The following DRC11 variants were observed in gnomAD, a reference collection of about 807,000 sequenced individuals.
DRC11 encodes the protein dynein regulatory complex subunit 11.
the DRC11 span, among the ~76,000 whole-genome samples, chr2:236,482,705 T>C: frequency 5.9e-5 from 9 of 152,222 alleles, no homozygotes; most frequent in Admixed American, 5.9e-4. This position sits in a 1 kb window ranked among gnomAD's most constrained non-coding sequence, Gnocchi z 4.5. Flanking sequence ...AGCACTTTTT[T>C]TTCTTAATGG....
the DRC11 span, among the ~76,000 whole-genome samples, chr2:236,386,946 G>A: frequency 6.8e-6 from 1 of 146,450 alleles, no homozygotes; most frequent in African/African-American, 2.5e-5. Flanking sequence ...GGAGCAGGTT[G>A]TTCAGTTTCC....
the DRC11 span, among the ~76,000 whole-genome samples, chr2:236,494,809 C>T: frequency 6.6e-6 from 1 of 152,136 alleles, no homozygotes; most frequent in African/African-American, 2.4e-5. This position sits in a 1 kb window ranked among gnomAD's most constrained non-coding sequence, Gnocchi z 4.2. Context: ...GTGACAATGT[C>T]TTTTGAACAC....
At chr2:236,455,978 C>T in the DRC11 span, among the ~76,000 whole-genome samples, 1 of 152,102 alleles carries the variant, frequency 6.6e-6, no homozygotes, top group Non-Finnish European at 1.5e-5. The surrounding 1 kb of genome is among the most constrained non-coding windows in gnomAD (Gnocchi z 5.7). Flanking sequence ...CGCGCCTCCA[C>T]CACCAGCCAG....
chr2:236,375,652 C>T, the DRC11 span, among the ~76,000 whole-genome samples: 1 of 152,184 alleles, frequency 6.6e-6, no homozygotes, highest in Non-Finnish European at 1.5e-5. The surrounding 1 kb of genome is among the most constrained non-coding windows in gnomAD (Gnocchi z 4.2). Context: ...AAAATAACCA[C>T]CCTTTGATCA....
the DRC11 span, among the ~76,000 whole-genome samples, chr2:236,465,192 A>T: frequency 1.5e-3 from 231 of 152,198 alleles, no homozygotes; most frequent in African/African-American, 5.3e-3. The surrounding 1 kb of genome is among the most constrained non-coding windows in gnomAD (Gnocchi z 6.2). Flanking sequence ...GGCTGGCTAG[A>T]TGCCAGAAGG....
At chr2:236,465,224 T>C in the DRC11 span, among the ~76,000 whole-genome samples, 2 of 152,132 alleles carry the variant, frequency 1.3e-5, no homozygotes, top group Admixed American at 1.3e-4. This position sits in a 1 kb window ranked among gnomAD's most constrained non-coding sequence, Gnocchi z 6.2. Context: ...CTGGGTCCCC[T>C]GACTTTTGGA....
At chr2:236,443,367 A>G in the DRC11 span, among the ~76,000 whole-genome samples, 5 of 151,710 alleles carry the variant, frequency 3.3e-5, no homozygotes, top group African/African-American at 1.2e-4. The surrounding 1 kb of genome is among the most constrained non-coding windows in gnomAD (Gnocchi z 4.4). Flanking sequence ...GGCCCTCCCC[A>G]TGTGTCCACG....
the DRC11 span, among the ~76,000 whole-genome samples, chr2:236,440,302 A>G: frequency 6.6e-6 from 1 of 152,226 alleles, no homozygotes; most frequent in South Asian, 2.1e-4. Flanking sequence ...AGGAAGGGTT[A>G]GTCACCCAGG....
At chr2:236,321,645 T>C in the DRC11 span, among the ~76,000 whole-genome samples, 1 of 152,152 alleles carries the variant, frequency 6.6e-6, no homozygotes, top group Non-Finnish European at 1.5e-5. Flanking sequence ...TATCTTTGGC[T>C]CAGAGGAGGG....
At chr2:236,376,145 C>A in the DRC11 span, among the ~76,000 whole-genome samples, 1 of 152,304 alleles carries the variant, frequency 6.6e-6, no homozygotes, top group African/African-American at 2.4e-5. The surrounding 1 kb of genome is among the most constrained non-coding windows in gnomAD (Gnocchi z 5.7). Flanking sequence ...AGGGAGACAC[C>A]ATCATTTTCC....
chr2:236,491,196 A>ATATATATACACACAG, the DRC11 span, among the ~76,000 whole-genome samples: 2 of 63,208 alleles, frequency 3.2e-5, no homozygotes, highest in Admixed American at 1.6e-4. Context: ...CAGTATATAT[A>ATATATATACACACAG]TATATATATA....
At chr2:236,350,201 C>T in the DRC11 span, among the ~76,000 whole-genome samples, 1 of 152,196 alleles carries the variant, frequency 6.6e-6, no homozygotes, top group African/African-American at 2.4e-5. This position sits in a 1 kb window ranked among gnomAD's most constrained non-coding sequence, Gnocchi z 5.2. Context: ...ACGGCGGCTC[C>T]ATTCTGTTGA....
the DRC11 span, among the ~76,000 whole-genome samples, chr2:236,319,634 C>T: frequency 6.6e-6 from 1 of 152,144 alleles, no homozygotes; most frequent in Non-Finnish European, 1.5e-5. This position sits in a 1 kb window ranked among gnomAD's most constrained non-coding sequence, Gnocchi z 6.7. Flanking sequence ...ATCGACTCCC[C>T]AAAGCTCAAC....
At chr2:236,464,067 C>T in the DRC11 span, among the ~76,000 whole-genome samples, 2 of 152,146 alleles carry the variant, frequency 1.3e-5, no homozygotes, top group Non-Finnish European at 2.9e-5. Flanking sequence ...TGACTCTGAG[C>T]CAGCAAGGGA....
the DRC11 span, among the ~76,000 whole-genome samples, chr2:236,440,389 C>T: frequency 5.3e-5 from 8 of 152,138 alleles, no homozygotes. Context: ...GACAATGCCT[C>T]TAATGCCTCA....
At chr2:236,378,674 C>CAA in the DRC11 span, among the ~76,000 whole-genome samples, 59 of 59,136 alleles carry the variant, frequency 1.0e-3, no homozygotes, top group East Asian at 6.6e-3. Flanking sequence ...GACTCCGTCT[C>CAA]AAAAAAAAAA....
At chr2:236,424,690 A>T in the DRC11 span, among the ~76,000 whole-genome samples, 10 of 150,388 alleles carry the variant, frequency 6.6e-5, 1 homozygote, top group African/African-American at 1.0e-4. Context: ...TTCTCTTAGC[A>T]ATTAAAAATA....
chr2:236,474,521 A>G, the DRC11 span, among the ~76,000 whole-genome samples: 1 of 152,320 alleles, frequency 6.6e-6, no homozygotes, highest in African/African-American at 2.4e-5. Flanking sequence ...TGGAACTCTA[A>G]TTAAATAGAA....
chr2:236,338,369 C>T, the DRC11 span: 31 of 1,610,620 alleles, frequency 1.9e-5, no homozygotes, highest in African/African-American at 2.7e-5. Context: ...TTTTTTCAGG[C>T]GTTTAGGTTC....
Sources: gnomAD v4.1 joint callset for allele counts (sites outside exome capture counted in the v4.1 genomes callset) on GRCh38, gnomAD v4.1.1 for gene constraint, Gnocchi (gnomAD v3.1) non-coding constraint, MANE v1.5 for transcripts, NCBI Gene and HGNC (gene_info 2026-07-23, HGNC 2026-07-21) for gene names.